FAM227B: variants seen among roughly 807,000 people sequenced by gnomAD.
FAM227B encodes the protein family with sequence similarity 227 member B.
A neutral mutation model predicts 73.8 loss-of-function variants in FAM227B; 88 were observed. That is an observed-to-expected ratio of 1.19 (90% CI 1.00 to 1.42). The LOEUF (loss-of-function observed/expected upper bound fraction) is 1.42, where lower values mean the gene tolerates loss of function less well. FAM227B is among the 40% of genes most tolerant of loss of function. The pLI, the probability that FAM227B is intolerant of heterozygous loss-of-function variation, is 0.00. For synonymous variants in FAM227B, 210 were observed against 190.5 expected (o/e 1.10, Z -0.84); for missense variants, 632 against 590.9 (o/e 1.07, Z -0.72).
intron 9 of FAM227B, among the ~76,000 whole-genome samples, chr15:49,563,044 G>T (rs1025482357): frequency 2.6e-5 from 4 of 152,048 alleles, no homozygotes; most frequent in African/African-American, 9.7e-5. Flanking sequence ...AATAGTAAAA[G>T]AAGTCAAATT....
chr15:49,439,534 G>T lies in FAM227B; in HGVS notation c.1013-68135C>A, dbSNP rs1050564129. On this transcript the variant is annotated intron_variant, in intron 11 of 15. Coordinates refer to ENST00000299338, the MANE Select transcript of FAM227B (RefSeq NM_152647.3). Reference sequence around the variant, plus strand: ...ACCATGCATGGTTTTTGCATCTGAAGAATTTTTAGTCAAGTTGAAATTCTA... The same window carrying T: ...ACCATGCATGGTTTTTGCATCTGAATAATTTTTAGTCAAGTTGAAATTCTA... Among the ~76,000 whole-genome samples, 5 of 151,670 alleles carry T rather than the reference G, an allele frequency of 3.3e-5. No homozygotes were observed. The East Asian group carries it at 9.7e-4, about 30-fold the overall frequency.
At chr15:49,392,379 G>T (rs527454219) in intron 11 of FAM227B, among the ~76,000 whole-genome samples, 1 of 152,048 alleles carries the variant, frequency 6.6e-6, no homozygotes, top group Non-Finnish European at 1.5e-5. Context: ...ATGTGCATGG[G>T]GAAGGACCTG....
Position 49,379,310 on chromosome 15 carries a change from T to A in FAM227B, c.1013-7911A>T, listed in dbSNP as rs192573112. On this transcript the variant is annotated intron_variant, in intron 11 of 15. Transcript: ENST00000299338. ...TCTGGTTTTGGTATCAGGGTAATACTGGCCTTGTAGAGTAAATTTGGAAGT... is the reference window on the plus strand; with the variant it reads ...TCTGGTTTTGGTATCAGGGTAATACAGGCCTTGTAGAGTAAATTTGGAAGT... 1.9e-3 allele frequency among the ~76,000 whole-genome samples: 295 copies of A among 152,326 alleles called. 1 individual carries two copies. Among genetic ancestry groups the A allele is most frequent in the South Asian group, 3.5e-3 (17 of 4,828 alleles).
intron 1 of FAM227B, among the ~76,000 whole-genome samples, chr15:49,619,350 G>GA (rs1221504583): frequency 6.6e-6 from 1 of 152,158 alleles, no homozygotes; most frequent in African/African-American, 2.4e-5. Flanking sequence ...GAAAGTGGGG[G>GA]AAGTAGCACC....
At chr15:49,451,182 T>C (rs2052697510) in intron 11 of FAM227B, among the ~76,000 whole-genome samples, 1 of 152,126 alleles carries the variant, frequency 6.6e-6, no homozygotes, top group Non-Finnish European at 1.5e-5. Flanking sequence ...GATACTTACA[T>C]ATAAAATAAA....
chr15:49,428,227 C>G lies in FAM227B; in HGVS notation c.1013-56828G>C, dbSNP rs2050295479. Among the ~76,000 whole-genome samples the G allele has an allele frequency of 2.0e-5, 3 of 151,976 alleles. No homozygotes were observed. The South Asian group carries it at 6.2e-4, about 32-fold the overall frequency. ...TTACCCAGGAGGCAGAAAGTCTCTC[C>G]CCTTTACTTATCTCTCTGGTGGCTT... On this transcript the variant is annotated intron_variant, in intron 11 of 15. Coordinates refer to ENST00000299338, the MANE Select transcript of FAM227B (RefSeq NM_152647.3).
At chr15:49,595,011 T>C (rs1188792854) in intron 3 of FAM227B, among the ~76,000 whole-genome samples, 1 of 152,096 alleles carries the variant, frequency 6.6e-6, no homozygotes, top group Non-Finnish European at 1.5e-5. Flanking sequence ...AGATTGCTTT[T>C]GGCAGTACGG....
chr15:49,362,690 T>G (rs2044447621), intron 13 of FAM227B, among the ~76,000 whole-genome samples: 1 of 152,188 alleles, frequency 6.6e-6, no homozygotes, highest in Non-Finnish European at 1.5e-5. Flanking sequence ...TCATGAAATC[T>G]TTGCCATTTC....
chr15:49,592,336 A>G (rs923143808), intron 3 of FAM227B, among the ~76,000 whole-genome samples: 1 of 152,126 alleles, frequency 6.6e-6, no homozygotes, highest in African/African-American at 2.4e-5. Flanking sequence ...TTGGTGACCT[A>G]CAGAAGAAGT....
At chr15:49,583,535 T>C (rs899468835) in intron 5 of FAM227B, among the ~76,000 whole-genome samples, 1 of 151,962 alleles carries the variant, frequency 6.6e-6, no homozygotes, top group Non-Finnish European at 1.5e-5. Flanking sequence ...ACCCGTTGTT[T>C]AGCATATCAT....
chr15:49,512,959 C>T (rs1472614129), intron 10 of FAM227B, among the ~76,000 whole-genome samples: 1 of 152,104 alleles, frequency 6.6e-6, no homozygotes, highest in Non-Finnish European at 1.5e-5. Context: ...GCATAGTATT[C>T]CATGGTGTAT....
chr15:49,592,536 T>C (rs1232239379), intron 3 of FAM227B, among the ~76,000 whole-genome samples: 1 of 152,226 alleles, frequency 6.6e-6, no homozygotes, highest in Non-Finnish European at 1.5e-5. Context: ...GAAAATATTG[T>C]TGTCTGATCC....
At chr15:49,602,920 T>A (rs2077295487) in intron 3 of FAM227B, among the ~76,000 whole-genome samples, 1 of 152,222 alleles carries the variant, frequency 6.6e-6, no homozygotes, top group South Asian at 2.1e-4. Context: ...ATTCAATGTA[T>A]GTACTTAGCA....
chr15:49,599,688 G>A (rs1335419593), intron 3 of FAM227B, among the ~76,000 whole-genome samples: 1 of 151,934 alleles, frequency 6.6e-6, no homozygotes, highest in Non-Finnish European at 1.5e-5. Flanking sequence ...TTGACCTACT[G>A]GCTATTCAAG....
At chr15:49,353,939 T>C (rs80032632) in intron 13 of FAM227B, 4 of 152,316 alleles carry the variant, frequency 2.6e-5, no homozygotes, top group African/African-American at 4.8e-5. Flanking sequence ...GTTATTCACA[T>C]ATTGGTTAAT....
At chr15:49,410,060 A>C (rs1301406582) in intron 11 of FAM227B, among the ~76,000 whole-genome samples, 1 of 152,010 alleles carries the variant, frequency 6.6e-6, no homozygotes, top group Non-Finnish European at 1.5e-5. Flanking sequence ...TCTCACCTAT[A>C]ATGCTGGCAC....
intron 1 of FAM227B, among the ~76,000 whole-genome samples, chr15:49,617,805 T>TGA (rs1555578779): frequency 3.2e-4 from 49 of 151,204 alleles, no homozygotes; most frequent in African/African-American, 1.2e-3. Context: ...TGTGTGTGTG[T>TGA]GACAGAGTTT....
Position 49,403,221 on chromosome 15 carries a change from G to A in FAM227B, c.1013-31822C>T, listed in dbSNP as rs112321494. ...GATTTTTGCATCTATGTTCATCAAGGGTATTGGCCTGAAGTTGTATCTCTA... is the reference window on the plus strand; with the variant it reads ...GATTTTTGCATCTATGTTCATCAAGAGTATTGGCCTGAAGTTGTATCTCTA... On this transcript the variant is annotated intron_variant, in intron 11 of 15. Transcript: ENST00000299338. Among the ~76,000 whole-genome samples, 1,041 of 151,924 alleles carry A rather than the reference G, an allele frequency of 6.9e-3. 18 individuals carry two copies. Among genetic ancestry groups the A allele is most frequent in the African/African-American group, 0.024 (995 of 41,470 alleles).
At chr15:49,428,018 A>AAT (rs1164624280) in intron 11 of FAM227B, among the ~76,000 whole-genome samples, 1 of 152,034 alleles carries the variant, frequency 6.6e-6, no homozygotes, top group African/African-American at 2.4e-5. Context: ...TAGAATGAAT[A>AAT]TATTACAGAA....
Sources: gnomAD v4.1 joint callset for allele counts (sites outside exome capture counted in the v4.1 genomes callset) on GRCh38, gnomAD v4.1.1 for gene constraint, MANE v1.5 for transcripts, NCBI Gene and HGNC (gene_info 2026-07-23, HGNC 2026-07-21) for gene names.